The following LANCL1 variants were observed in gnomAD, a reference collection of about 807,000 sequenced individuals.
LANCL1 encodes glutathione S-transferase LANCL1.
Under a neutral mutation model 50.6 loss-of-function variants are expected in LANCL1, and 50 were observed. The observed-to-expected ratio is 0.99, with a 90% CI of 0.79 to 1.25. The LOEUF is 1.25. LANCL1 is among the 50% of genes most tolerant of loss of function. LANCL1 has a pLI of 0.00. For missense variants in LANCL1, 532 were observed against 480.7 expected (o/e 1.11, Z -1.00); for synonymous variants, 188 against 178.6 (o/e 1.05, Z -0.42).
At chr2:210,475,574 C>G (rs1001852142) in intron 2 of LANCL1, among the ~76,000 whole-genome samples, 1 of 152,180 alleles carries the variant, frequency 6.6e-6, no homozygotes, top group Admixed American at 6.5e-5. Flanking sequence ...CTTAAGCAAT[C>G]CTCCTGCCTT....
chr2:210,459,727 A>G (rs1255144016), intron 3 of LANCL1, among the ~76,000 whole-genome samples: 6 of 142,828 alleles, frequency 4.2e-5, no homozygotes, highest in African/African-American at 1.6e-4. Context: ...TGAAATGTTG[A>G]TAACTATTAA....
chr2:210,467,712 C>G (rs940932463), intron 3 of LANCL1, among the ~76,000 whole-genome samples: 1 of 152,194 alleles, frequency 6.6e-6, no homozygotes, highest in African/African-American at 2.4e-5. Flanking sequence ...TGCCCTTAAA[C>G]TGCACATTGT....
At chr2:210,472,817 T>G (rs1437522971) in intron 2 of LANCL1, among the ~76,000 whole-genome samples, 1 of 152,228 alleles carries the variant, frequency 6.6e-6, no homozygotes, top group Admixed American at 6.5e-5. Context: ...TTAAATGAGA[T>G]AGTGTATCAC....
chr2:210,476,546 A>G (rs2105934545), intron 1 of LANCL1, 74 bp downstream of exon 1: 1 of 1,395,212 alleles, frequency 7.2e-7, no homozygotes, highest in Non-Finnish European at 9.4e-7. Flanking sequence ...GTCCGAGTGG[A>G]CCTCGGGCCC....
At chr2:210,461,487 C>A (rs1693858227) in intron 3 of LANCL1, among the ~76,000 whole-genome samples, 1 of 152,098 alleles carries the variant, frequency 6.6e-6, no homozygotes, top group Non-Finnish European at 1.5e-5. Flanking sequence ...GTAACTAATA[C>A]CCACATGTGA....
At chr2:210,437,903 C>A (rs41272663) in intron 6 of LANCL1, 31 bp from the exon 7 acceptor site, 374,961 of 1,525,382 alleles carry the variant, frequency 0.25, 49,065 homozygotes, top group Middle Eastern at 0.32. Context: ...ATTAGTTCTG[C>A]TGAAGCAAAT....
At position 210,455,194 on chromosome 2, in the gene LANCL1, A is replaced by C. The variant is rs1212361532; in HGVS notation, c.320T>G (p.Leu107Arg). Residue 107 changes from leucine to arginine, a missense_variant, in exon 4 of 10, where the codon CTT (leucine) becomes CGT (arginine). Leu to Arg is a moderately radical substitution (Grantham distance 102). Transcript: ENST00000450366. ...NCLTKRSITF[L>R]CGDAGPLAVA... is the part of the protein sequence containing the mutation. ...TGCCAGGGGGCCTGCATCCCCACAA[A>C]GGAAGGTGATGGAGCGCTTGGTTAA... is the stretch of plus-strand genomic sequence containing the variant. 6.2e-7 allele frequency: 1 copy of C among 1,613,778 alleles called. No homozygotes were observed. The highest frequency in any genetic ancestry group is 1.1e-5 in the South Asian group (1 of 91,076).
intron 5 of LANCL1, 56 bp downstream of exon 5, chr2:210,441,252 A>T: frequency 6.5e-7 from 1 of 1,547,258 alleles, no homozygotes; most frequent in East Asian, 2.3e-5. Context: ...TAGTTTAGGC[A>T]GATAGTAAGT....
At chr2:210,455,048 C>G in intron 4 of LANCL1, 59 bp downstream of exon 4, 1 of 1,379,382 alleles carries the variant, frequency 7.2e-7, no homozygotes, top group Non-Finnish European at 1.0e-6. Flanking sequence ...TTTGTTAACA[C>G]ATGCAGAATT....
chr2:210,446,855 G>A (rs1045257327), intron 4 of LANCL1, among the ~76,000 whole-genome samples: 25 of 152,104 alleles, frequency 1.6e-4, no homozygotes, highest in African/African-American at 6.0e-4. Context: ...CGGACTATGT[G>A]AAAAGATCAA....
At chr2:210,442,037 T>C (rs1385969457) in intron 4 of LANCL1, among the ~76,000 whole-genome samples, 1 of 151,908 alleles carries the variant, frequency 6.6e-6, no homozygotes, top group African/African-American at 2.4e-5. Context: ...CGCGAGGGGA[T>C]GGGATTATAG....
In LANCL1 at chr2:210,432,072, GAAAAATAC is replaced by G. The variant is rs990406773; in HGVS notation, c.*2407_*2414del. 6.6e-6 allele frequency: 1 copy of G among 152,076 alleles called. No homozygotes were observed. The highest frequency in any genetic ancestry group is 1.5e-5 in the Non-Finnish European group (1 of 67,994). 9.4% of individuals were successfully genotyped at this position (152,076 alleles called of 1,614,324 possible). The stretch of plus-strand genomic sequence containing the variant: ...TTTTAAAGAAGAAAAATATCTGAGA[GAAAAATAC>G]AAACTAGAACTGAAACAATGATGCC... On this transcript the variant is annotated 3_prime_UTR_variant, in exon 10 of 10. Transcript: ENST00000450366.
chr2:210,463,999 A>G (rs879202579), intron 3 of LANCL1, among the ~76,000 whole-genome samples: 1 of 152,200 alleles, frequency 6.6e-6, no homozygotes, highest in Admixed American at 6.5e-5. Flanking sequence ...CCTCTGCTTC[A>G]ATTTTAAAAT....
At chr2:210,474,937 T>G (rs1239003464) in intron 2 of LANCL1, among the ~76,000 whole-genome samples, 1 of 152,180 alleles carries the variant, frequency 6.6e-6, no homozygotes, top group Non-Finnish European at 1.5e-5. Flanking sequence ...TCTGCACAGC[T>G]AAGCAGAATG....
At chr2:210,448,682 G>C (rs1344442834) in intron 4 of LANCL1, among the ~76,000 whole-genome samples, 1 of 152,162 alleles carries the variant, frequency 6.6e-6, no homozygotes, top group Non-Finnish European at 1.5e-5. Context: ...TATCATCACT[G>C]ATCCCACAGG....
At chr2:210,464,064 T>A (rs1693960829) in intron 3 of LANCL1, among the ~76,000 whole-genome samples, 1 of 152,234 alleles carries the variant, frequency 6.6e-6, no homozygotes, top group South Asian at 2.1e-4. Context: ...TGTAAAGTAC[T>A]TTCTTAAGCA....
intron 4 of LANCL1, among the ~76,000 whole-genome samples, chr2:210,451,329 G>C (rs528015076): frequency 3.9e-4 from 60 of 152,124 alleles, no homozygotes; most frequent in African/African-American, 1.2e-3. Context: ...GTCAGGGGGT[G>C]GGGGACTAGG....
chr2:210,453,650 A>G (rs1430686052), intron 4 of LANCL1, among the ~76,000 whole-genome samples: 1 of 152,214 alleles, frequency 6.6e-6, no homozygotes, highest in Non-Finnish European at 1.5e-5. Flanking sequence ...ATGGTACTTA[A>G]CAAGTGATTC....
In LANCL1 at chr2:210,432,366, T is replaced by G. The variant is rs1692773596; in HGVS notation, c.*2121A>C. 6.6e-6 allele frequency: 1 copy of G among 152,194 alleles called. No homozygotes were observed. The allele number at this position is 152,194 out of a possible 1,614,324, so 9.4% of individuals were successfully genotyped here. A position where few individuals can be genotyped will look rare whatever the true frequency, so the allele number is the denominator to read the frequency against. On this transcript the variant is annotated 3_prime_UTR_variant, in exon 10 of 10. Transcript: ENST00000450366. ...TAACTGATGACAGTAGCTAACCCAT[T>G]TATGCTGGGGGTTGCAATTTTTTGT...
Sources: allele counts gnomAD v4.1 joint callset (sites outside exome capture counted in the v4.1 genomes callset), GRCh38; gene constraint gnomAD v4.1.1; transcripts MANE v1.5; gene names NCBI Gene and HGNC (gene_info 2026-07-23, HGNC 2026-07-21).